Variants in KCNC2 observed in about 807,000 individuals in gnomAD.
KCNC2 encodes the protein voltage-gated potassium channel KCNC2.
KCNC2 carries 21 observed loss-of-function variants against 44.5 expected under a neutral mutation model. The observed-to-expected ratio is 0.47, with a 90% confidence interval of 0.33 to 0.68. The LOEUF is 0.68. Ranked by LOEUF, KCNC2 falls within the 30% of genes least tolerant of loss-of-function variation. The pLI is 0.01. For missense variants in KCNC2, 589 were observed against 826.2 expected (o/e 0.71, Z 3.52); for synonymous variants, 391 against 339.1 (o/e 1.15, Z -1.68).
intron 2 of KCNC2, among the ~76,000 whole-genome samples, chr12:75,068,492 C>A (rs1187557144): frequency 6.6e-6 from 1 of 152,060 alleles, no homozygotes; most frequent in Non-Finnish European, 1.5e-5. Context: ...ATGTTGTGTA[C>A]ATAATTATTT....
At chr12:75,162,796 C>T (rs771896128) in intron 2 of KCNC2, among the ~76,000 whole-genome samples, 1 of 151,704 alleles carries the variant, frequency 6.6e-6, no homozygotes, top group South Asian at 2.1e-4. Context: ...CTCTCCCTAC[C>T]TGCATGTTAG....
At chr12:75,150,845 A>C (rs1890340525) in intron 2 of KCNC2, among the ~76,000 whole-genome samples, 1 of 151,922 alleles carries the variant, frequency 6.6e-6, no homozygotes, top group South Asian at 2.1e-4. Flanking sequence ...CAAGAATAAA[A>C]TGAATGTTAT....
intron 2 of KCNC2, among the ~76,000 whole-genome samples, chr12:75,107,502 A>G (rs1029342978): frequency 6.6e-6 from 1 of 152,198 alleles, no homozygotes; most frequent in Non-Finnish European, 1.5e-5. Flanking sequence ...GTCAGAAAAG[A>G]TTTCTCGAAG....
intron 2 of KCNC2, among the ~76,000 whole-genome samples, chr12:75,150,609 C>A (rs1311347172): frequency 2.0e-5 from 3 of 151,866 alleles, no homozygotes; most frequent in Non-Finnish European, 4.4e-5. Context: ...GCATAGCTAT[C>A]CATTGCTAGA....
At chr12:75,051,416 T>G (rs1285908452) in intron 2 of KCNC2, 99 bp from the exon 3 acceptor site, 1 of 703,616 alleles carries the variant, frequency 1.4e-6, no homozygotes, top group Non-Finnish European at 2.3e-6. Context: ...TAAAAAAGAA[T>G]AACAGCATAT....
chr12:75,174,118 G>T, intron 2 of KCNC2, among the ~76,000 whole-genome samples: 1 of 144,774 alleles, frequency 6.9e-6, no homozygotes, highest in African/African-American at 2.6e-5. Flanking sequence ...GTTAAATACT[G>T]TTCTTCACAG....
chr12:75,042,483 T>A lies in KCNC2; in HGVS notation c.*622A>T. 3 of 1,452,134 alleles carry A rather than the reference T, an allele frequency of 2.1e-6. No individual in the cohort carries two copies. Among genetic ancestry groups the A allele is most frequent in the South Asian group, 2.9e-5 (2 of 69,424 alleles). 90.0% of individuals were successfully genotyped at this position (1,452,134 alleles called of 1,614,324 possible). ...TAAAACATATATTTCTTTCAAATAA[T>A]AAGAAAAAAATGTCAAGGAGAAAAG... On this transcript the variant is annotated 3_prime_UTR_variant, in exon 5 of 5. Transcript: ENST00000549446.
intron 3 of KCNC2, among the ~76,000 whole-genome samples, chr12:75,049,029 G>A (rs974414182): frequency 6.6e-6 from 1 of 152,062 alleles, no homozygotes; most frequent in Non-Finnish European, 1.5e-5. Context: ...CTTCTTAAAG[G>A]CTCTGCATAG....
In KCNC2 at chr12:75,106,694, C is replaced by G. The variant is rs148714381; in HGVS notation, c.688-55377G>C. Among the ~76,000 whole-genome samples the G allele has an allele frequency of 4.6e-3, 704 of 152,250 alleles. 4 individuals are homozygous for G. Among genetic ancestry groups the G allele is most frequent in the African/African-American group, 0.016 (668 of 41,550 alleles). On this transcript the variant is annotated intron_variant, in intron 2 of 4. Coordinates refer to ENST00000549446, the MANE Select transcript of KCNC2 (RefSeq NM_139137.4). ...GTAAATAAAAAACACCACCACCACTCTTATTAATAGAGCATCAATTCTGTA... is the reference window on the plus strand; with the variant it reads ...GTAAATAAAAAACACCACCACCACTGTTATTAATAGAGCATCAATTCTGTA...
Position 75,084,283 on chromosome 12 carries a change from A to AGAT in KCNC2, c.688-32969_688-32967dup, listed in dbSNP as rs3073542. Among the ~76,000 whole-genome samples the AGAT allele has an allele frequency of 1.2e-3, 139 of 114,706 alleles. 1 individual carries two copies. The highest frequency in any genetic ancestry group is 3.4e-3 in the African/African-American group (99 of 29,464). 75.3% of individuals were successfully genotyped at this position (114,706 alleles called of 152,430 possible). On this transcript the variant is annotated intron_variant, in intron 2 of 4. Coordinates refer to ENST00000549446, the MANE Select transcript of KCNC2 (RefSeq NM_139137.4). ...AGATAGATAGATTAGATAGATAGAT[A>AGAT]GATAGATGATAGATAGATAGATAGA... is the stretch of plus-strand genomic sequence containing the variant.
At chr12:75,114,512 G>A (rs907755939) in intron 2 of KCNC2, among the ~76,000 whole-genome samples, 5 of 152,124 alleles carry the variant, frequency 3.3e-5, no homozygotes, top group Non-Finnish European at 7.3e-5. Flanking sequence ...TTGGCCCCCT[G>A]AGCCTGTATT....
intron 2 of KCNC2, among the ~76,000 whole-genome samples, chr12:75,200,287 G>A (rs1023571208): frequency 2.6e-5 from 4 of 151,756 alleles, no homozygotes; most frequent in African/African-American, 4.8e-5. Flanking sequence ...TGCCATTGTC[G>A]TTAACTTATC....
Position 75,207,743 on chromosome 12 carries a change from C to T in KCNC2, c.241G>A (p.Gly81Ser). 2.6e-6 allele frequency: 4 copies of T among 1,567,452 alleles called. No individual in the cohort carries two copies. The highest frequency in any genetic ancestry group is 3.5e-6 in the Non-Finnish European group (4 of 1,156,568). Residue 81 changes from glycine to serine, a missense_variant, in exon 2 of 5, where the codon GGC (glycine) becomes AGC (serine). Physicochemically the swap from Gly to Ser is moderately conservative, Grantham distance 56. Transcript: ENST00000549446. This position sits in a 1 kb window ranked among gnomAD's most constrained non-coding sequence, Gnocchi z 4.1. ...SPGPGGCFEG[G>S]AGNCSSRGGR... ...CCGCGGGAACTGCAGTTGCCCGCGCCGCCCTCGAAGCAGCCGCCTGGCCCG... is the reference window on the plus strand; with the variant it reads ...CCGCGGGAACTGCAGTTGCCCGCGCTGCCCTCGAAGCAGCCGCCTGGCCCG...
At chr12:75,078,829 T>G (rs1329293814) in intron 2 of KCNC2, among the ~76,000 whole-genome samples, 1 of 152,162 alleles carries the variant, frequency 6.6e-6, no homozygotes, top group Non-Finnish European at 1.5e-5. Context: ...TCTATTAAAG[T>G]TTCAGTGTTT....
chr12:75,064,216 T>G (rs1161209841), intron 2 of KCNC2, among the ~76,000 whole-genome samples: 1 of 152,042 alleles, frequency 6.6e-6, no homozygotes, highest in Non-Finnish European at 1.5e-5. Flanking sequence ...ATTAGCTACT[T>G]TATTCTTTTA....
rs927271171 is a variant in KCNC2 at position 75,123,835 on chromosome 12, C to T, written c.688-72518G>A. 7.2e-5 allele frequency among the ~76,000 whole-genome samples: 11 copies of T among 152,290 alleles called. No homozygotes were observed. In the East Asian group the frequency reaches 1.9e-3, roughly 27 times the overall value. On this transcript the variant is annotated intron_variant, in intron 2 of 4. Transcript: ENST00000549446. ...CTTCAAAATCAGCCAAAACTCTATA[C>T]ATTGGTTATAGAGGAAGTTCTCCAA...
intron 2 of KCNC2, among the ~76,000 whole-genome samples, chr12:75,133,162 A>G (rs552356234): frequency 6.6e-6 from 1 of 152,120 alleles, no homozygotes; most frequent in African/African-American, 2.4e-5. Flanking sequence ...GGCAATAAAG[A>G]GAGTTTGGTT....
At chr12:75,103,682 G>A (rs548953908) in intron 2 of KCNC2, among the ~76,000 whole-genome samples, 1 of 152,166 alleles carries the variant, frequency 6.6e-6, no homozygotes, top group Admixed American at 6.5e-5. Context: ...TATCTTTGGG[G>A]GATATGTTCC....
intron 2 of KCNC2, among the ~76,000 whole-genome samples, chr12:75,194,427 C>A (rs2030578958): frequency 1.3e-5 from 2 of 152,102 alleles, no homozygotes; most frequent in African/African-American, 4.8e-5. Flanking sequence ...TCTTTTAGAA[C>A]CAGTAGAAGA....
Sources: gnomAD v4.1 joint callset for allele counts (sites outside exome capture counted in the v4.1 genomes callset) on GRCh38, gnomAD v4.1.1 for gene constraint, Gnocchi (gnomAD v3.1) non-coding constraint, MANE v1.5 for transcripts, NCBI Gene and HGNC (gene_info 2026-07-23, HGNC 2026-07-21) for gene names.